DLGAP2: variants seen among roughly 807,000 people sequenced by gnomAD.
DLGAP2 encodes the protein DLG associated protein 2.
Under a neutral mutation model 100.3 loss-of-function variants are expected in DLGAP2, and 26 were observed. The ratio of observed to expected loss-of-function variants is 0.26; its 90% CI spans 0.19 to 0.36. The LOEUF is 0.36. Ranked by LOEUF, DLGAP2 falls within the 10% of genes least tolerant of loss-of-function variation. The pLI is 1.00. For missense variants in DLGAP2, 1,858 were observed against 1,453.2 expected, an observed-to-expected ratio of 1.28 and a Z score of -4.53; for synonymous variants, 886 against 630.1, an observed-to-expected ratio of 1.41 and a Z score of -6.08.
intron 4 of DLGAP2, among the ~76,000 whole-genome samples, chr8:1,501,819 C>A (rs1188265173): frequency 2.0e-5 from 3 of 152,192 alleles, no homozygotes; most frequent in African/African-American, 7.2e-5. Context: ...GCTCATCTCT[C>A]CAGCTGGCCC....
At chr8:1,651,279 G>A (rs1170734077) in intron 8 of DLGAP2, among the ~76,000 whole-genome samples, 1 of 152,288 alleles carries the variant, frequency 6.6e-6, no homozygotes, top group African/African-American at 2.4e-5. Flanking sequence ...TGTTCTGTGT[G>A]GCCCTTCTTC....
intron 3 of DLGAP2, 104 bp from the exon 4 acceptor site, chr8:1,501,262 C>G (rs1799712191): frequency 2.5e-6 from 3 of 1,213,390 alleles, no homozygotes; most frequent in Admixed American, 4.2e-5. Context: ...AGGTGTCTGT[C>G]ATGTTTGAAC....
Position 1,708,245 on chromosome 8 carries a change from G to C in DLGAP2, c.*6839G>C, listed in dbSNP as rs1241275005. 1.3e-5 allele frequency: 2 copies of C among 151,940 alleles called. No individual in the cohort carries two copies. The highest frequency in any genetic ancestry group is 2.9e-5 in the Non-Finnish European group (2 of 67,992). The allele number at this position is 151,940 out of a possible 1,614,324, so 9.4% of individuals were successfully genotyped here. ...GAAAAGTAATGTTTACTTTTTTATT[G>C]GAGTGAATTCTCGTGTTATTTTAAT... is the stretch of plus-strand genomic sequence containing the variant. On this transcript the variant is annotated 3_prime_UTR_variant, in exon 15 of 15. Coordinates refer to ENST00000637795, the MANE Select transcript of DLGAP2 (RefSeq NM_001346810.2).
At chr8:1,407,698 A>C (rs1166706669) in intron 3 of DLGAP2, among the ~76,000 whole-genome samples, 1 of 85,850 alleles carries the variant, frequency 1.2e-5, no homozygotes, top group Admixed American at 1.1e-4. Flanking sequence ...CCACCTCCTC[A>C]TCCTCCAGAG....
At chr8:1,073,395 T>A (rs1485990749) in intron 2 of DLGAP2, among the ~76,000 whole-genome samples, 2 of 152,186 alleles carry the variant, frequency 1.3e-5, no homozygotes, top group East Asian at 3.9e-4. Flanking sequence ...AAATTTTTTT[T>A]AATGATCATG....
rs539602243 is a variant in DLGAP2 at position 1,666,751 on chromosome 8, G to C, written c.1811-1578G>C. 2.0e-5 allele frequency among the ~76,000 whole-genome samples: 3 copies of C among 152,186 alleles called. 1 individual carries two copies. The South Asian group carries it at 6.2e-4, about 32-fold the overall frequency. ...TATGCCTTAAAGCACAGGTCATCCT[G>C]AATGGCAGGCTTGTTTTGTCGTTTG... On this transcript the variant is annotated intron_variant, in intron 8 of 14. Coordinates refer to ENST00000637795, the MANE Select transcript of DLGAP2 (RefSeq NM_001346810.2).
intron 3 of DLGAP2, among the ~76,000 whole-genome samples, chr8:1,326,598 C>T (rs531730927): frequency 3.3e-5 from 5 of 150,842 alleles, no homozygotes; most frequent in South Asian, 4.2e-4. Flanking sequence ...GGACACGGCG[C>T]GTGCTCGGTC....
chr8:1,023,741 G>A (rs1801695004), intron 2 of DLGAP2, among the ~76,000 whole-genome samples: 1 of 152,024 alleles, frequency 6.6e-6, no homozygotes, highest in South Asian at 2.1e-4. Context: ...CACCTGTGAG[G>A]TCTTGCCCCA....
rs1207326976 is a variant in DLGAP2 at position 1,501,460 on chromosome 8, G to C, written c.172+29G>C. On this transcript the variant is annotated intron_variant, in intron 4 of 14. Transcript: ENST00000637795. ...GAGTACAGACGTCAGCCCCGCTCTG[G>C]CGGGGCCCGGACAGAACCGGGCATG... 3.3e-6 allele frequency: 5 copies of C among 1,534,780 alleles called. No individual in the cohort carries two copies. The East Asian group carries it at 9.8e-5, about 30-fold the overall frequency.
intron 3 of DLGAP2, among the ~76,000 whole-genome samples, chr8:1,346,635 C>G (rs1801564559): frequency 6.6e-6 from 1 of 151,512 alleles, no homozygotes; most frequent in African/African-American, 2.4e-5. Context: ...TGAAACAGAG[C>G]TGCATTGCAC....
intron 2 of DLGAP2, among the ~76,000 whole-genome samples, chr8:1,188,671 C>T (rs1013980949): frequency 2.6e-5 from 4 of 152,076 alleles, no homozygotes; most frequent in African/African-American, 7.2e-5. Context: ...CCCAGCACTC[C>T]GGGGGCAGGA....
chr8:985,864 G>C (rs993805380), intron 2 of DLGAP2, among the ~76,000 whole-genome samples: 1 of 152,082 alleles, frequency 6.6e-6, no homozygotes, highest in South Asian at 2.1e-4. Flanking sequence ...TTGCTCAGTC[G>C]ATCACCTGAC....
At chr8:1,157,027 G>C (rs1796805037) in intron 2 of DLGAP2, among the ~76,000 whole-genome samples, 1 of 152,022 alleles carries the variant, frequency 6.6e-6, no homozygotes, top group Admixed American at 6.6e-5. Flanking sequence ...CAGGGCCCCA[G>C]GCTCTCAGTG....
chr8:836,214 C>T (rs991679275), intron 1 of DLGAP2, among the ~76,000 whole-genome samples: 4 of 152,194 alleles, frequency 2.6e-5, no homozygotes, highest in Non-Finnish European at 4.4e-5. Context: ...GGCCGGAAAG[C>T]CCCGGCCGCC....
chr8:1,209,390 C>A (rs1221080453), intron 2 of DLGAP2, among the ~76,000 whole-genome samples: 1 of 152,148 alleles, frequency 6.6e-6, no homozygotes, highest in Non-Finnish European at 1.5e-5. Context: ...TTAGCTTTTT[C>A]CTTCCCTACA....
intron 2 of DLGAP2, among the ~76,000 whole-genome samples, chr8:1,175,307 A>G (rs1019751856): frequency 4.6e-5 from 7 of 152,200 alleles, no homozygotes; most frequent in Non-Finnish European, 1.0e-4. Context: ...GGGAAGATCA[A>G]TACATGTACG....
rs755024629 is a variant in DLGAP2, at chr8:1,620,978, C to T, written c.1443-5762C>T. On this transcript the variant is annotated intron_variant, in intron 6 of 14. Coordinates refer to ENST00000637795, the MANE Select transcript of DLGAP2 (RefSeq NM_001346810.2). Reference sequence around the variant, plus strand: ...CTCCAGACAAACAATGCTCACTCCCCGCCTCCCAGCTGGCACACACTCTAC... The same window carrying T: ...CTCCAGACAAACAATGCTCACTCCCTGCCTCCCAGCTGGCACACACTCTAC... 3.4e-4 allele frequency among the ~76,000 whole-genome samples: 52 copies of T among 152,186 alleles called. 1 individual carries two copies. Among genetic ancestry groups the T allele is most frequent in the Non-Finnish European group, 7.2e-4 (49 of 68,026 alleles).
At chr8:1,300,008 G>T (rs1800293368) in intron 3 of DLGAP2, 1 of 152,130 alleles carries the variant, frequency 6.6e-6, no homozygotes, top group South Asian at 2.1e-4. Context: ...GTGTCCTCAG[G>T]GAGACAGGCT....
intron 2 of DLGAP2, among the ~76,000 whole-genome samples, chr8:1,108,808 T>C (rs1306443567): frequency 9.2e-6 from 1 of 108,576 alleles, no homozygotes; most frequent in Non-Finnish European, 1.9e-5. Context: ...GGTGTGAATG[T>C]GTCTATGAGG....
Sources: gnomAD v4.1 joint callset for allele counts (sites outside exome capture counted in the v4.1 genomes callset) on GRCh38, gnomAD v4.1.1 for gene constraint, MANE v1.5 for transcripts, NCBI Gene and HGNC (gene_info 2026-07-23, HGNC 2026-07-21) for gene names.